MFHAS1: variants seen among roughly 807,000 people sequenced by gnomAD.
The protein encoded by MFHAS1 is multifunctional ROCO family signaling regulator 1, also known as malignant fibrous histiocytoma-amplified sequence 1.
In MFHAS1, 50 loss-of-function variants were observed where a neutral mutation model predicts 70.4. The ratio of observed to expected loss-of-function variants is 0.71; its 90% CI spans 0.57 to 0.90. The LOEUF (loss-of-function observed/expected upper bound fraction) is 0.90, where lower values mean the gene tolerates loss of function less well. MFHAS1 is among the 40% of genes least tolerant of loss of function. MFHAS1 has a pLI of 0.00. For missense variants in MFHAS1, 1,795 were observed against 1,347.6 expected (o/e 1.33, Z -5.20); for synonymous variants, 952 against 620.0 (o/e 1.54, Z -7.96).
At chr8:8,815,712 G>A (rs1423876676) in intron 1 of MFHAS1, among the ~76,000 whole-genome samples, 1 of 152,092 alleles carries the variant, frequency 6.6e-6, no homozygotes, top group African/African-American at 2.4e-5. Context: ...TGAGGATGTG[G>A]GGGAACTGGA....
Position 8,819,290 on chromosome 8 carries a change from C to A in MFHAS1, c.2999-21799G>T, listed in dbSNP as rs116556593. On this transcript the variant is annotated intron_variant, in intron 1 of 2. Transcript: ENST00000276282. ...TAAACAAATCTCTAGATTTTTTAAACCATAGAGCATTTCTTTAAGAATATC... is the reference window on the plus strand; with the variant it reads ...TAAACAAATCTCTAGATTTTTTAAAACATAGAGCATTTCTTTAAGAATATC... Among the ~76,000 whole-genome samples the A allele has an allele frequency of 8.8e-3, 1,333 of 152,162 alleles. 15 individuals are homozygous for A. The highest frequency in any genetic ancestry group is 0.03 in the African/African-American group (1,264 of 41,514).
At chr8:8,843,050 G>C (rs576387707) in intron 1 of MFHAS1, among the ~76,000 whole-genome samples, 167 of 152,062 alleles carry the variant, frequency 1.1e-3, no homozygotes, top group Non-Finnish European at 2.1e-3. Flanking sequence ...TGGATCATGA[G>C]GTCAGGAGAT....
Position 8,852,484 on chromosome 8 carries a change from CACACACACAT to C in MFHAS1, c.2998+37567_2998+37576del, listed in dbSNP as rs199922935. 1.3e-3 allele frequency among the ~76,000 whole-genome samples: 173 copies of C among 130,188 alleles called. No individual in the cohort carries two copies. The East Asian group carries it at 0.055, about 41-fold the overall frequency. 85.4% of individuals were successfully genotyped at this position (130,188 alleles called of 152,430 possible). The stretch of plus-strand genomic sequence containing the variant: ...ACCCTCTCTCAAACACACACACACA[CACACACACAT>C]ACACACAAACACACACACCCACAAG... On this transcript the variant is annotated intron_variant, in intron 1 of 2. Transcript: ENST00000276282.
At chr8:8,866,690 C>T (rs572213842) in intron 1 of MFHAS1, among the ~76,000 whole-genome samples, 144 of 152,266 alleles carry the variant, frequency 9.5e-4, no homozygotes, top group African/African-American at 3.4e-3. Context: ...TTCTCTCTCC[C>T]CAGTCTCTTA....
At chr8:8,817,742 T>A (rs751705168) in intron 1 of MFHAS1, among the ~76,000 whole-genome samples, 1 of 152,198 alleles carries the variant, frequency 6.6e-6, no homozygotes, top group Non-Finnish European at 1.5e-5. Flanking sequence ...CTGTTCCACT[T>A]CAGATCATTA....
At chr8:8,887,598 A>G (rs1367287053) in intron 1 of MFHAS1, among the ~76,000 whole-genome samples, 2 of 150,414 alleles carry the variant, frequency 1.3e-5, no homozygotes, top group Non-Finnish European at 3.0e-5. Flanking sequence ...TATATATTTT[A>G]TAATCGTGCT....
At chr8:8,848,572 G>A (rs1808118909) in intron 1 of MFHAS1, among the ~76,000 whole-genome samples, 1 of 152,154 alleles carries the variant, frequency 6.6e-6, no homozygotes, top group South Asian at 2.1e-4. Context: ...AATACTTCAT[G>A]AGATAAAGAC....
chr8:8,832,089 C>CAT (rs1554481392), intron 1 of MFHAS1, among the ~76,000 whole-genome samples: 4 of 151,114 alleles, frequency 2.6e-5, no homozygotes, highest in African/African-American at 7.3e-5. Flanking sequence ...CACACACACA[C>CAT]GCACCAAAGT....
At chr8:8,885,860 C>A (rs1809731965) in intron 1 of MFHAS1, among the ~76,000 whole-genome samples, 1 of 152,196 alleles carries the variant, frequency 6.6e-6, no homozygotes, top group African/African-American at 2.4e-5. Flanking sequence ...CAGGCATGAG[C>A]CACCATGCCC....
At chr8:8,844,124 G>A (rs1342700295) in intron 1 of MFHAS1, among the ~76,000 whole-genome samples, 1 of 152,194 alleles carries the variant, frequency 6.6e-6, no homozygotes, top group Non-Finnish European at 1.5e-5. Context: ...TGCAGTGTCA[G>A]CCCTTCTACT....
intron 1 of MFHAS1, among the ~76,000 whole-genome samples, chr8:8,828,796 G>C (rs928771298): frequency 3.3e-5 from 5 of 152,186 alleles, no homozygotes; most frequent in Admixed American, 6.5e-5. Context: ...AATAAGCATT[G>C]AGCAAAAGTG....
chr8:8,839,619 T>C (rs1255424940), intron 1 of MFHAS1, among the ~76,000 whole-genome samples: 1 of 152,250 alleles, frequency 6.6e-6, no homozygotes, highest in Non-Finnish European at 1.5e-5. Flanking sequence ...TCTGCAGATC[T>C]GATGATGGCA....
At chr8:8,848,625 T>C (rs1400693565) in intron 1 of MFHAS1, among the ~76,000 whole-genome samples, 1 of 152,232 alleles carries the variant, frequency 6.6e-6, no homozygotes, top group Non-Finnish European at 1.5e-5. Context: ...TATTAATTTT[T>C]TTTAAACAAT....
chr8:8,888,717 C>T (rs989521915), intron 1 of MFHAS1, among the ~76,000 whole-genome samples: 28 of 152,082 alleles, frequency 1.8e-4, no homozygotes, highest in African/African-American at 6.5e-4. Context: ...AATGAATTGG[C>T]AGAGCACAGA....
intron 1 of MFHAS1, among the ~76,000 whole-genome samples, chr8:8,816,000 A>T (rs573789034): frequency 2.7e-4 from 41 of 152,254 alleles, no homozygotes; most frequent in Non-Finnish European, 5.3e-4. Context: ...ATGGATATAT[A>T]CGCCAACATC....
intron 1 of MFHAS1, among the ~76,000 whole-genome samples, chr8:8,815,957 A>T (rs531976971): frequency 6.6e-6 from 1 of 152,370 alleles, no homozygotes; most frequent in East Asian, 1.9e-4. Context: ...TTCGTACAAT[A>T]GACTACTATC....
Position 8,892,248 on chromosome 8 carries a change from AGCT to A in MFHAS1, c.808_810del (p.Ser270del). 1 of 1,612,068 alleles carries A rather than the reference AGCT, an allele frequency of 6.2e-7. No individual in the cohort carries two copies. Among genetic ancestry groups the A allele is most frequent in the South Asian group, 1.1e-5 (1 of 91,086 alleles). The stretch of plus-strand genomic sequence containing the variant: ...TTGAGCATTTTGAGCCGCTGCAGGC[AGCT>A]GAACTGGGCGGGCAGAGCCTGCAGC... On this transcript the variant is annotated inframe_deletion, in exon 1 of 3. Coordinates refer to ENST00000276282, the MANE Select transcript of MFHAS1 (RefSeq NM_004225.3). The surrounding 1 kb of genome is among the most constrained non-coding windows in gnomAD (Gnocchi z 4.7).
At chr8:8,858,625 C>CA (rs1293974933) in intron 1 of MFHAS1, among the ~76,000 whole-genome samples, 1 of 152,088 alleles carries the variant, frequency 6.6e-6, no homozygotes, top group Non-Finnish European at 1.5e-5. Flanking sequence ...CAAAAATAGA[C>CA]AGTCCTCCCT....
chr8:8,868,829 A>G (rs1808960438), intron 1 of MFHAS1, among the ~76,000 whole-genome samples: 1 of 152,190 alleles, frequency 6.6e-6, no homozygotes, highest in Admixed American at 6.5e-5. Flanking sequence ...AGCACCTCTG[A>G]TATCTCACTC....
Sources: gnomAD v4.1 joint callset for allele counts (sites outside exome capture counted in the v4.1 genomes callset) on GRCh38, gnomAD v4.1.1 for gene constraint, Gnocchi (gnomAD v3.1) non-coding constraint, MANE v1.5 for transcripts, NCBI Gene and HGNC (gene_info 2026-07-23, HGNC 2026-07-21) for gene names.